KIT: variants seen among roughly 807,000 people sequenced by gnomAD.
The protein encoded by KIT is KIT proto-oncogene, receptor tyrosine kinase, also known as mast/stem cell growth factor receptor Kit.
KIT carries 16 observed loss-of-function variants against 105.7 expected under a neutral mutation model. The ratio of observed to expected loss-of-function variants is 0.15; its 90% CI spans 0.10 to 0.23. The LOEUF is 0.23. KIT is among the 10% of genes least tolerant of loss of function. The pLI is 1.00. For missense variants in KIT, 858 were observed against 1,213.8 expected (o/e 0.71, Z 4.36); for synonymous variants, 438 against 441.1 (o/e 0.99, Z 0.09).
intron 7 of KIT, among the ~76,000 whole-genome samples, chr4:54,714,975 C>G (rs1481796001): frequency 6.6e-6 from 1 of 152,072 alleles, no homozygotes; most frequent in African/African-American, 2.4e-5. Context: ...TCAGAAGTCA[C>G]CAATTTCACT....
chr4:54,663,496 A>G (rs938790984), intron 1 of KIT, among the ~76,000 whole-genome samples: 3 of 151,498 alleles, frequency 2.0e-5, no homozygotes, highest in Non-Finnish European at 4.4e-5. Flanking sequence ...AAAATTGAAA[A>G]CGTGTAAACA....
chr4:54,670,801 A>C (rs1362528673), intron 1 of KIT, among the ~76,000 whole-genome samples: 1 of 152,122 alleles, frequency 6.6e-6, no homozygotes, highest in Non-Finnish European at 1.5e-5. Context: ...CCCCATCCCC[A>C]GGGGAAGGGG....
intron 1 of KIT, among the ~76,000 whole-genome samples, chr4:54,674,246 G>A (rs1718314238): frequency 6.6e-6 from 1 of 152,052 alleles, no homozygotes; most frequent in South Asian, 2.1e-4. Context: ...GTGGGGCTTT[G>A]CCTTGGCTTG....
intron 17 of KIT, 110 bp downstream of exon 17, chr4:54,733,302 A>G: frequency 7.8e-7 from 1 of 1,279,824 alleles, no homozygotes; most frequent in Non-Finnish European, 1.1e-6. Flanking sequence ...TAGGGATATC[A>G]CACATTTTAG....
intron 1 of KIT, among the ~76,000 whole-genome samples, chr4:54,661,277 T>C (rs1009414298): frequency 6.6e-6 from 1 of 152,216 alleles, no homozygotes; most frequent in African/African-American, 2.4e-5. Context: ...CCATTTTTTC[T>C]CCCAAAAGAA....
Position 54,729,326 on chromosome 4 carries a change from T to G in KIT, c.1991-9T>G. The G allele has an allele frequency of 6.2e-7, 1 of 1,613,314 alleles. No individual in the cohort carries two copies. The highest frequency in any genetic ancestry group is 1.3e-5 in the African/African-American group (1 of 75,014). On this transcript the variant is annotated splice_polypyrimidine_tract_variant and intron_variant, in intron 13 of 20. Transcript: ENST00000288135. ...ACCTTCTTTCTAACCTTTTCTTATG[T>G]GCTTTTAGGGCCCACCCTGGTCATT...
intron 2 of KIT, among the ~76,000 whole-genome samples, chr4:54,696,288 A>T (rs1720060821): frequency 6.6e-6 from 1 of 152,190 alleles, no homozygotes; most frequent in African/African-American, 2.4e-5. Context: ...CCATAGAAAA[A>T]AATGTGACCT....
intron 1 of KIT, among the ~76,000 whole-genome samples, chr4:54,693,394 A>G (rs1453930273): frequency 6.6e-6 from 1 of 151,530 alleles, no homozygotes; most frequent in Non-Finnish European, 1.5e-5. Flanking sequence ...CCTTTCCTAC[A>G]CCGTCTTGGC....
At chr4:54,719,282 C>T (rs922994853) in intron 7 of KIT, among the ~76,000 whole-genome samples, 1 of 152,274 alleles carries the variant, frequency 6.6e-6, no homozygotes, top group East Asian at 1.9e-4. Context: ...CTACCATTGG[C>T]TTGTGTATTG....
At chr4:54,679,049 A>G (rs1210229697) in intron 1 of KIT, among the ~76,000 whole-genome samples, 1 of 151,944 alleles carries the variant, frequency 6.6e-6, no homozygotes, top group Non-Finnish European at 1.5e-5. Flanking sequence ...GCCTCCACCC[A>G]AGTGCAGCCT....
At chr4:54,681,350 C>T (rs1718901801) in intron 1 of KIT, among the ~76,000 whole-genome samples, 1 of 152,130 alleles carries the variant, frequency 6.6e-6, no homozygotes, top group Non-Finnish European at 1.5e-5. Context: ...TGAGAAAGTT[C>T]CTCCTTTCTG....
At chr4:54,730,217 G>A (rs1163569322) in intron 14 of KIT, among the ~76,000 whole-genome samples, 3 of 152,114 alleles carry the variant, frequency 2.0e-5, no homozygotes, top group South Asian at 4.1e-4. Context: ...CTTCCTAGAT[G>A]TACCCAGTCC....
chr4:54,739,302 C>G lies in KIT; in HGVS notation c.*745C>G. On this transcript the variant is annotated 3_prime_UTR_variant, in exon 21 of 21. Transcript: ENST00000288135. Reference sequence around the variant, plus strand: ...CATAAGGTTTCGTTTCTGTATACAACCCTGGCATTATGTCCACTGTGTATA... The same window carrying G: ...CATAAGGTTTCGTTTCTGTATACAAGCCTGGCATTATGTCCACTGTGTATA... The G allele has an allele frequency of 4.2e-6, 1 of 239,212 alleles. No homozygotes were observed. The highest frequency in any genetic ancestry group is 6.0e-5 in the East Asian group (1 of 16,678). The allele number at this position is 239,212 out of a possible 1,614,324, so 14.8% of individuals were successfully genotyped here. A position where few individuals can be genotyped will look rare whatever the true frequency, so the allele number is the denominator to read the frequency against.
chr4:54,675,463 A>G (rs754607147), intron 1 of KIT, among the ~76,000 whole-genome samples: 9 of 152,250 alleles, frequency 5.9e-5, no homozygotes, highest in Non-Finnish European at 1.3e-4. Flanking sequence ...AAATTAAGGG[A>G]AAAGTGAATA....
At chr4:54,659,162 G>C (rs1025385905) in intron 1 of KIT, among the ~76,000 whole-genome samples, 13 of 152,342 alleles carry the variant, frequency 8.5e-5, no homozygotes, top group South Asian at 8.3e-4. Flanking sequence ...GCCTGGGGGT[G>C]GGGTGGGAGA....
At chr4:54,665,324 GAACA>G (rs1560372129) in intron 1 of KIT, among the ~76,000 whole-genome samples, 1 of 152,258 alleles carries the variant, frequency 6.6e-6, no homozygotes, top group East Asian at 1.9e-4. Flanking sequence ...ATGCTGTAAT[GAACA>G]TTTGCATGTA....
Position 54,740,249 on chromosome 4 carries a change from G to C in KIT, c.*1692G>C. On this transcript the variant is annotated 3_prime_UTR_variant, in exon 21 of 21. Transcript: ENST00000288135. The stretch of plus-strand genomic sequence containing the variant: ...CTCTCGCACCTTTCCAAAGTTAACA[G>C]ATTTTGGGGTTGTGTTGTCACCCAA... 4.3e-6 allele frequency: 1 copy of C among 233,458 alleles called. No homozygotes were observed. Among genetic ancestry groups the C allele is most frequent in the Non-Finnish European group, 8.5e-6 (1 of 118,008 alleles). 14.5% of individuals were successfully genotyped at this position (233,458 alleles called of 1,614,324 possible). A position where few individuals can be genotyped will look rare whatever the true frequency, so the allele number is the denominator to read the frequency against.
rs748262952 is a variant in KIT at position 54,725,835 on chromosome 4, G to A, written c.1347-22G>A. 9 of 1,609,918 alleles carry A rather than the reference G, an allele frequency of 5.6e-6. No individual in the cohort carries two copies. The Admixed American group carries it at 1.5e-4, about 27-fold the overall frequency. ...ATTTATTTTCCTAGAGTAAGCCAGG[G>A]CTTTTGTTTTCTTCCCTTTAGATGC... On this transcript the variant is annotated intron_variant, in intron 8 of 20. Transcript: ENST00000288135.
chr4:54,694,425 T>G (rs1280120441), intron 1 of KIT, among the ~76,000 whole-genome samples: 1 of 152,164 alleles, frequency 6.6e-6, no homozygotes, highest in East Asian at 1.9e-4. Flanking sequence ...AATCACAGTT[T>G]GCTGCAGCCT....
Sources: gnomAD v4.1 joint callset for allele counts (sites outside exome capture counted in the v4.1 genomes callset) on GRCh38, gnomAD v4.1.1 for gene constraint, MANE v1.5 for transcripts, NCBI Gene and HGNC (gene_info 2026-07-23, HGNC 2026-07-21) for gene names.